The following LIMCH1 variants were observed in gnomAD, a reference collection of about 807,000 sequenced individuals.
The protein encoded by LIMCH1 is LIM and calponin homology domains-containing protein 1.
A neutral mutation model predicts 176.5 loss-of-function variants in LIMCH1; 113 were observed. The observed-to-expected ratio is 0.64, with a 90% confidence interval of 0.55 to 0.75. LIMCH1 has a LOEUF of 0.75. Among genes scored for constraint, LIMCH1 ranks in the 30% least tolerant of loss-of-function variants. LIMCH1 has a pLI of 0.00. For missense variants in LIMCH1, 1,674 were observed against 1,814.9 expected (o/e 0.92, Z 1.41); for synonymous variants, 619 against 645.9 (o/e 0.96, Z 0.63).
intron 1 of LIMCH1, among the ~76,000 whole-genome samples, chr4:41,544,980 T>C (rs2079168554): frequency 6.6e-6 from 1 of 152,208 alleles, no homozygotes; most frequent in African/African-American, 2.4e-5. Context: ...TTTCCATCTT[T>C]CCTGTTTCCA....
intron 5 of LIMCH1, among the ~76,000 whole-genome samples, chr4:41,616,749 CTCATT>C (rs1457682149): frequency 6.6e-6 from 1 of 152,026 alleles, no homozygotes; most frequent in Non-Finnish European, 1.5e-5. Flanking sequence ...TTTATGTCAT[CTCATT>C]TAATTCTTGC....
chr4:41,505,567 C>T (rs1168218733), intron 2 of LIMCH1, among the ~76,000 whole-genome samples: 1 of 152,082 alleles, frequency 6.6e-6, no homozygotes. Context: ...CATTTTCTCC[C>T]ATCCATCCAG....
At chr4:41,669,689 G>A (rs539677656) in intron 21 of LIMCH1, among the ~76,000 whole-genome samples, 7 of 152,302 alleles carry the variant, frequency 4.6e-5, no homozygotes, top group African/African-American at 1.7e-4. Flanking sequence ...CATTTATAAA[G>A]TCTCCATCTT....
At chr4:41,557,152 A>G (rs1212265675) in intron 1 of LIMCH1, among the ~76,000 whole-genome samples, 1 of 152,136 alleles carries the variant, frequency 6.6e-6, no homozygotes, top group South Asian at 2.1e-4. Flanking sequence ...TAATGTTGCA[A>G]ATTGTATCAT....
intron 18 of LIMCH1, among the ~76,000 whole-genome samples, chr4:41,653,093 T>C (rs78281391): frequency 0.11 from 17,412 of 152,228 alleles, 1,339 homozygotes; most frequent in Middle Eastern, 0.24. Flanking sequence ...AATCTCTGTA[T>C]ATATCTGTCA....
intron 20 of LIMCH1, among the ~76,000 whole-genome samples, chr4:41,664,817 C>T (rs2094765743): frequency 6.6e-6 from 1 of 152,164 alleles, no homozygotes; most frequent in Admixed American, 6.5e-5. Context: ...GTTTTCAGGA[C>T]TTCTTCAGTT....
intron 1 of LIMCH1, among the ~76,000 whole-genome samples, chr4:41,447,819 C>A (rs1055057605): frequency 1.3e-5 from 2 of 151,966 alleles, no homozygotes; most frequent in African/African-American, 4.8e-5. Context: ...GAGACAGGGT[C>A]TCCCTCTGTC....
intron 1 of LIMCH1, among the ~76,000 whole-genome samples, chr4:41,366,775 G>C (rs2053063629): frequency 6.6e-6 from 1 of 152,196 alleles, no homozygotes; most frequent in Admixed American, 6.5e-5. Flanking sequence ...AAAATTCCAT[G>C]TTTGCAATAT....
At chr4:41,405,559 C>G (rs2058873990) in intron 1 of LIMCH1, among the ~76,000 whole-genome samples, 1 of 152,070 alleles carries the variant, frequency 6.6e-6, no homozygotes, top group African/African-American at 2.4e-5. Context: ...TTGAGTCTTT[C>G]TTAGAACTGG....
At chr4:41,678,244 T>TA (rs1003271573) in intron 23 of LIMCH1, among the ~76,000 whole-genome samples, 6 of 152,008 alleles carry the variant, frequency 3.9e-5, no homozygotes, top group Non-Finnish European at 7.4e-5. Flanking sequence ...TCTTTTTTTT[T>TA]TTCCTAATCC....
chr4:41,621,504 ATT>A (rs35690244), intron 7 of LIMCH1, among the ~76,000 whole-genome samples: 195 of 144,208 alleles, frequency 1.4e-3, no homozygotes, highest in Non-Finnish European at 1.4e-3. Context: ...GTTCCATTTA[ATT>A]TTTTTTTTTT....
intron 1 of LIMCH1, among the ~76,000 whole-genome samples, chr4:41,419,701 T>TTCCTTCC (rs71198653): frequency 1.0e-5 from 1 of 97,376 alleles, no homozygotes; most frequent in East Asian, 2.8e-4. Flanking sequence ...CCTTCCTTCC[T>TTCCTTCC]TCCTTCCTTC....
chr4:41,372,723 C>T (rs2054159914), intron 1 of LIMCH1, among the ~76,000 whole-genome samples: 1 of 152,138 alleles, frequency 6.6e-6, no homozygotes, highest in African/African-American at 2.4e-5. Context: ...GTGTGTTTTT[C>T]TGATCCATTT....
At chr4:41,546,563 T>C (rs4455452) in intron 1 of LIMCH1, among the ~76,000 whole-genome samples, 56,359 of 151,832 alleles carry the variant, frequency 0.37, 14,727 homozygotes, top group African/African-American at 0.74. Context: ...TTTTATTCTT[T>C]TTTAGCCCCA....
Position 41,557,958 on chromosome 4 carries a change from T to G in LIMCH1, c.-241+19608T>G, listed in dbSNP as rs560998563. Among the ~76,000 whole-genome samples the G allele has an allele frequency of 6.6e-5, 10 of 152,234 alleles. No individual in the cohort carries two copies. In the South Asian group the frequency reaches 2.1e-3, roughly 32 times the overall value. On this transcript the variant is annotated intron_variant, in intron 1 of 31. Transcript: ENST00000503057. ...GCTCAACTCAATCTCCTCTGAAACTTGATGTCCAACAGCTAGGTTTTAAGG... is the reference window on the plus strand; with the variant it reads ...GCTCAACTCAATCTCCTCTGAAACTGGATGTCCAACAGCTAGGTTTTAAGG...
chr4:41,470,214 A>G (rs560243184), intron 1 of LIMCH1, among the ~76,000 whole-genome samples: 1 of 152,286 alleles, frequency 6.6e-6, no homozygotes, highest in Non-Finnish European at 1.5e-5. Context: ...TAGCTTTGTC[A>G]ACGGATCACT....
intron 3 of LIMCH1, among the ~76,000 whole-genome samples, chr4:41,605,337 A>G (rs1191855010): frequency 6.6e-6 from 1 of 152,130 alleles, no homozygotes; most frequent in African/African-American, 2.4e-5. Flanking sequence ...TCTTCACGAC[A>G]CTGCTTTCTT....
chr4:41,533,940 C>T (rs1417966683), upstream of LIMCH1, among the ~76,000 whole-genome samples: 3 of 152,206 alleles, frequency 2.0e-5, no homozygotes, highest in South Asian at 2.1e-4. Context: ...CAGCTGGACG[C>T]AGAGTCCCTG....
intron 4 of LIMCH1, among the ~76,000 whole-genome samples, chr4:41,612,030 C>T (rs946456357): frequency 3.3e-5 from 5 of 152,176 alleles, no homozygotes; most frequent in Non-Finnish European, 5.9e-5. Context: ...CGGCTCTACT[C>T]ACCCAGGCCA....
Sources: gnomAD v4.1 joint callset for allele counts (sites outside exome capture counted in the v4.1 genomes callset) on GRCh38, gnomAD v4.1.1 for gene constraint, MANE v1.5 for transcripts, NCBI Gene and HGNC (gene_info 2026-07-23, HGNC 2026-07-21) for gene names.